Variants in MAP7 observed in about 807,000 individuals in gnomAD.
The protein encoded by MAP7 is ensconsin.
MAP7 carries 52 observed loss-of-function variants against 94.8 expected under a neutral mutation model. The observed-to-expected ratio is 0.55, with a 90% confidence interval of 0.44 to 0.69. MAP7 has a LOEUF of 0.69. MAP7 is among the 30% of genes least tolerant of loss of function. The probability of loss-of-function intolerance (pLI) is 0.00; values close to 1 mark genes in which losing one functional copy is unlikely to be tolerated. For synonymous variants in MAP7, 350 were observed against 357.0 expected (o/e 0.98, Z 0.22); for missense variants, 940 against 964.6 (o/e 0.97, Z 0.34).
intron 1 of MAP7, among the ~76,000 whole-genome samples, chr6:136,434,473 C>T (rs1225201312): frequency 6.6e-6 from 1 of 151,964 alleles, no homozygotes; most frequent in Non-Finnish European, 1.5e-5. Flanking sequence ...AGCAGAGACT[C>T]CATATCAGGC....
chr6:136,449,212 G>A (rs919931987), intron 1 of MAP7, among the ~76,000 whole-genome samples: 3 of 151,988 alleles, frequency 2.0e-5, no homozygotes, highest in African/African-American at 4.8e-5. Context: ...GGAGAATGGC[G>A]TGAACCCAGG....
At chr6:136,351,821 AC>A (rs1789291887) in intron 16 of MAP7, among the ~76,000 whole-genome samples, 1 of 152,178 alleles carries the variant, frequency 6.6e-6, no homozygotes, top group African/African-American at 2.4e-5. Context: ...CTGGAGAGAC[AC>A]TGCAGCAGAG....
intron 1 of MAP7, among the ~76,000 whole-genome samples, chr6:136,520,127 G>A (rs1032501441): frequency 3.3e-5 from 5 of 150,010 alleles, no homozygotes; most frequent in Non-Finnish European, 5.9e-5. Flanking sequence ...TTGAGCCCAG[G>A]AGTTCAAAGT....
At chr6:136,396,127 T>C (rs1475559153) in intron 3 of MAP7, among the ~76,000 whole-genome samples, 6 of 152,258 alleles carry the variant, frequency 3.9e-5, no homozygotes, top group East Asian at 3.9e-4. Context: ...AGGAATTGCA[T>C]TGAATCTGTA....
chr6:136,345,454 A>C (rs769998466), intron 17 of MAP7, among the ~76,000 whole-genome samples: 7 of 152,222 alleles, frequency 4.6e-5, no homozygotes, highest in Non-Finnish European at 8.8e-5. Context: ...TGAAGACCTC[A>C]GAAAGATGGA....
chr6:136,352,529 A>G (rs572959750), intron 16 of MAP7, among the ~76,000 whole-genome samples: 46 of 152,002 alleles, frequency 3.0e-4, no homozygotes, highest in African/African-American at 1.1e-3. Flanking sequence ...TTTTTTCCCT[A>G]TCATTCCCAC....
chr6:136,413,641 G>C (rs1788237307), intron 2 of MAP7, among the ~76,000 whole-genome samples: 1 of 152,064 alleles, frequency 6.6e-6, no homozygotes, highest in South Asian at 2.1e-4. Flanking sequence ...TTGAGACAGA[G>C]TCTCGTGTCA....
intron 1 of MAP7, among the ~76,000 whole-genome samples, chr6:136,440,798 T>G (rs1368027681): frequency 6.6e-6 from 1 of 151,552 alleles, no homozygotes; most frequent in African/African-American, 2.4e-5. Flanking sequence ...TGAAATTATT[T>G]TATCTTAAAA....
intron 15 of MAP7, among the ~76,000 whole-genome samples, chr6:136,358,861 G>A (rs1240232470): frequency 6.6e-6 from 1 of 152,178 alleles, no homozygotes; most frequent in Non-Finnish European, 1.5e-5. Context: ...CAGGAGCTGG[G>A]GGACCGGGGC....
intron 1 of MAP7, among the ~76,000 whole-genome samples, chr6:136,534,087 TA>T (rs1406958331): frequency 6.6e-6 from 1 of 152,214 alleles, no homozygotes; most frequent in Admixed American, 6.5e-5. Context: ...TGATTCTGGG[TA>T]AAAACTGTTA....
At chr6:136,463,594 T>A (rs1805963389) in intron 1 of MAP7, among the ~76,000 whole-genome samples, 1 of 152,236 alleles carries the variant, frequency 6.6e-6, no homozygotes, top group Non-Finnish European at 1.5e-5. Context: ...AAATTTTTAA[T>A]CTTATTAAGG....
At chr6:136,541,838 C>T (rs557153471) in intron 1 of MAP7, among the ~76,000 whole-genome samples, 118 of 152,270 alleles carry the variant, frequency 7.7e-4, no homozygotes, top group South Asian at 2.9e-3. Context: ...TTGGGCAGAT[C>T]GCTTGAGCTC....
chr6:136,415,709 C>T (rs1421403236), intron 2 of MAP7, among the ~76,000 whole-genome samples: 1 of 152,188 alleles, frequency 6.6e-6, no homozygotes, highest in Non-Finnish European at 1.5e-5. Flanking sequence ...CAAACTGCGT[C>T]CTGTTTGGTA....
intron 1 of MAP7, among the ~76,000 whole-genome samples, chr6:136,543,536 G>A (rs1390856816): frequency 6.6e-6 from 1 of 152,144 alleles, no homozygotes; most frequent in Non-Finnish European, 1.5e-5. Flanking sequence ...TGTAATCACA[G>A]CTATCCGGGA....
In MAP7 at chr6:136,549,204, G is replaced by A. The variant is rs554876524; in HGVS notation, c.67+1138C>T. On this transcript the variant is annotated intron_variant, in intron 1 of 17. Coordinates refer to ENST00000354570, the MANE Select transcript of MAP7 (RefSeq NM_003980.6). ...TTAAAATAAGCATACTTGATGGTGG[G>A]GAGACAGTGATTCTTACATTTAGGA... Among the ~76,000 whole-genome samples the A allele has an allele frequency of 5.3e-5, 8 of 152,266 alleles. No individual in the cohort carries two copies. The South Asian group carries it at 1.5e-3, about 28-fold the overall frequency.
intron 2 of MAP7, among the ~76,000 whole-genome samples, chr6:136,414,252 CAAAAAAAAAAAAAAAAA>C (rs559869492): frequency 1.9e-4 from 3 of 15,930 alleles, no homozygotes; most frequent in Non-Finnish European, 3.2e-4. Flanking sequence ...GACTCCGTCT[CAAAAAAAAAAAAAAAAA>C]AAAAAAAAAA....
Position 136,442,859 on chromosome 6 carries a change from G to T in MAP7, c.68-21060C>A, listed in dbSNP as rs779372997. 1.5e-3 allele frequency among the ~76,000 whole-genome samples: 221 copies of T among 152,178 alleles called. 2 individuals carry two copies. The highest frequency in any genetic ancestry group is 2.0e-3 in the Admixed American group (30 of 15,270). On this transcript the variant is annotated intron_variant, in intron 1 of 17. Coordinates refer to ENST00000354570, the MANE Select transcript of MAP7 (RefSeq NM_003980.6). ...GGTATCCAAGGGCTTTCCACAAAAG[G>T]GTTTTAACAGTTTTTGTGCTTTGGA...
At chr6:136,352,468 G>A (rs150539832) in intron 16 of MAP7, among the ~76,000 whole-genome samples, 72 of 152,248 alleles carry the variant, frequency 4.7e-4, no homozygotes, top group African/African-American at 1.6e-3. Context: ...TCACAGGTGT[G>A]AGCCACCACA....
chr6:136,389,842 G>A (rs1213667933), intron 3 of MAP7, among the ~76,000 whole-genome samples: 1 of 152,144 alleles, frequency 6.6e-6, no homozygotes, highest in African/African-American at 2.4e-5. Flanking sequence ...AAAATCAATA[G>A]TACCATCTGT....
Sources: gnomAD v4.1 joint callset for allele counts (sites outside exome capture counted in the v4.1 genomes callset) on GRCh38, gnomAD v4.1.1 for gene constraint, MANE v1.5 for transcripts, NCBI Gene and HGNC (gene_info 2026-07-23, HGNC 2026-07-21) for gene names.